RIMS4: variants seen among roughly 807,000 people sequenced by gnomAD.
The protein encoded by RIMS4 is regulating synaptic membrane exocytosis protein 4.
In RIMS4, 9 loss-of-function variants were observed where a neutral mutation model predicts 29.0. The ratio of observed to expected loss-of-function variants is 0.31; its 90% CI spans 0.19 to 0.54. RIMS4 has a LOEUF of 0.54. Among genes scored for constraint, RIMS4 ranks in the 20% least tolerant of loss-of-function variants. The pLI, the probability that RIMS4 is intolerant of heterozygous loss-of-function variation, is 0.94. For synonymous variants in RIMS4, 130 were observed against 152.9 expected, an observed-to-expected ratio of 0.85 and a Z score of 1.10; for missense variants, 193 against 365.7, an observed-to-expected ratio of 0.53 and a Z score of 3.85.
intron 1 of RIMS4, among the ~76,000 whole-genome samples, chr20:44,783,048 A>T (rs1163449544): frequency 6.6e-6 from 1 of 152,234 alleles, no homozygotes; most frequent in African/African-American, 2.4e-5. Flanking sequence ...TATTATAAAC[A>T]ATACTCTGAG....
chr20:44,764,904 G>A (rs1010467690), intron 2 of RIMS4, among the ~76,000 whole-genome samples: 1 of 152,288 alleles, frequency 6.6e-6, no homozygotes, highest in Admixed American at 6.5e-5. Flanking sequence ...ACCATTCAAG[G>A]TATTTCCAAG....
At chr20:44,773,892 G>A (rs143215535) in intron 1 of RIMS4, among the ~76,000 whole-genome samples, 11 of 152,228 alleles carry the variant, frequency 7.2e-5, no homozygotes, top group African/African-American at 2.6e-4. Context: ...AATGACAGAC[G>A]TTTCCCATAG....
At position 44,794,425 on chromosome 20, in the gene RIMS4, A is replaced by G. The variant is rs549082920; in HGVS notation, c.97+15750T>C. Among the ~76,000 whole-genome samples, 4 of 152,330 alleles carry G rather than the reference A, an allele frequency of 2.6e-5. No individual in the cohort carries two copies. The East Asian group carries it at 5.8e-4, about 22-fold the overall frequency. On this transcript the variant is annotated intron_variant, in intron 1 of 5. Transcript: ENST00000372851. ...CAACCATTCAAACTTAGCCTTAACT[A>G]AAGAGCGGTTTTCCTGTATTTTTTT...
chr20:44,795,613 C>CA (rs2066251554), intron 1 of RIMS4, among the ~76,000 whole-genome samples: 1 of 151,644 alleles, frequency 6.6e-6, no homozygotes, highest in Non-Finnish European at 1.5e-5. Context: ...GCCTGGGAGA[C>CA]AGAGCGAGAC....
rs532034597 is a variant in RIMS4 at position 44,777,823 on chromosome 20, G to T, written c.98-6410C>A. Among the ~76,000 whole-genome samples, 7 of 152,302 alleles carry T rather than the reference G, an allele frequency of 4.6e-5. No homozygotes were observed. The South Asian group carries it at 1.5e-3, about 32-fold the overall frequency. Reference sequence around the variant, plus strand: ...AACCACTAACCACATCCTGGTCAGTGTGAGTGTCCACTCCAAGTCCATAGA... The same window carrying T: ...AACCACTAACCACATCCTGGTCAGTTTGAGTGTCCACTCCAAGTCCATAGA... On this transcript the variant is annotated intron_variant, in intron 1 of 5. Coordinates refer to ENST00000372851, the MANE Select transcript of RIMS4 (RefSeq NM_182970.4).
intron 2 of RIMS4, among the ~76,000 whole-genome samples, chr20:44,769,144 A>G (rs998065754): frequency 3.3e-5 from 5 of 152,190 alleles, no homozygotes; most frequent in Non-Finnish European, 5.9e-5. Flanking sequence ...CCTGTCTGTA[A>G]TTAGACTCTC....
At chr20:44,797,065 A>G (rs1404276789) in intron 1 of RIMS4, among the ~76,000 whole-genome samples, 1 of 151,976 alleles carries the variant, frequency 6.6e-6, no homozygotes, top group Non-Finnish European at 1.5e-5. Context: ...GCAATAACCA[A>G]CTCTCTGATC....
At chr20:44,796,441 G>C (rs2066255525) in intron 1 of RIMS4, among the ~76,000 whole-genome samples, 2 of 152,312 alleles carry the variant, frequency 1.3e-5, no homozygotes, top group South Asian at 2.1e-4. Flanking sequence ...GGAGAGAGAA[G>C]GGGAGGAAGG....
Position 44,755,817 on chromosome 20 carries a change from T to G in RIMS4, c.*317A>C. On this transcript the variant is annotated 3_prime_UTR_variant, in exon 6 of 6. Coordinates refer to ENST00000372851, the MANE Select transcript of RIMS4 (RefSeq NM_182970.4). The stretch of plus-strand genomic sequence containing the variant: ...CCGAGGAGGCAAAAAGGGGGAGAAG[T>G]TGGACAGTTTGGGAAGGGAGAGTGG... The G allele has an allele frequency of 3.4e-6, 1 of 293,356 alleles. No homozygotes were observed. Among genetic ancestry groups the G allele is most frequent in the Non-Finnish European group, 6.5e-6 (1 of 154,898 alleles). 18.2% of individuals were successfully genotyped at this position (293,356 alleles called of 1,614,324 possible).
chr20:44,771,362 A>G lies in RIMS4; in HGVS notation c.149T>C (p.Leu50Pro). ...GAIQRSTETG[L>P]AVEMPSRTLR... is the part of the protein sequence containing the mutation. ...TGTCCGGCTGGGCATCTCCACTGCC[A>G]GGCCCGTCTCCGTGCTCCTCTGGAT... is the stretch of plus-strand genomic sequence containing the variant. The change falls in exon 2 of 6, where the codon CTG (leucine) becomes CCG (proline). Residue 50 changes from leucine (L) to proline (P), a missense_variant. Leu to Pro is a moderately conservative substitution (Grantham distance 98). Coordinates refer to ENST00000372851, the MANE Select transcript of RIMS4 (RefSeq NM_182970.4). 1 of 1,613,934 alleles carries G rather than the reference A, an allele frequency of 6.2e-7. No homozygotes were observed. Among genetic ancestry groups the G allele is most frequent in the Non-Finnish European group, 8.5e-7 (1 of 1,179,942 alleles).
intron 1 of RIMS4, among the ~76,000 whole-genome samples, chr20:44,791,729 C>T (rs561599725): frequency 1.3e-5 from 2 of 152,214 alleles, no homozygotes; most frequent in South Asian, 4.2e-4. Flanking sequence ...CAAATGACTC[C>T]TTCTCCTCTT....
chr20:44,806,859 G>A (rs1047498748), intron 1 of RIMS4, among the ~76,000 whole-genome samples: 3 of 152,186 alleles, frequency 2.0e-5, no homozygotes, highest in Non-Finnish European at 2.9e-5. Context: ...TGAAAATGGG[G>A]ATGTTAACAG....
rs996287663 is a variant in RIMS4 at position 44,781,903 on chromosome 20, G to T, written c.98-10490C>A. ...ACAGCATTCAAGACTTCCAGGATTT[G>T]CCCCAAACCTATACTACAAGTCTGC... On this transcript the variant is annotated intron_variant, in intron 1 of 5. Coordinates refer to ENST00000372851, the MANE Select transcript of RIMS4 (RefSeq NM_182970.4). 2.0e-4 allele frequency among the ~76,000 whole-genome samples: 31 copies of T among 152,142 alleles called. 1 individual carries two copies. The highest frequency in any genetic ancestry group is 7.3e-5 in the Non-Finnish European group (5 of 68,034).
Position 44,758,201 on chromosome 20 carries a change from T to G in RIMS4, c.237-17A>C, listed in dbSNP as rs781704471. On this transcript the variant is annotated splice_polypyrimidine_tract_variant and intron_variant, in intron 2 of 5. Transcript: ENST00000372851. The stretch of plus-strand genomic sequence containing the variant: ...TAGTTAAGGCTGCAAGAGGAAAAGG[T>G]GAGACAAAGCACACATTCCCAGTGG... 4 of 1,578,388 alleles carry G rather than the reference T, an allele frequency of 2.5e-6. No homozygotes were observed. In the East Asian group the frequency reaches 6.7e-5, roughly 27 times the overall value.
At chr20:44,800,629 C>A (rs1024359258) in intron 1 of RIMS4, among the ~76,000 whole-genome samples, 2 of 151,914 alleles carry the variant, frequency 1.3e-5, no homozygotes, top group Admixed American at 6.6e-5. Context: ...CTAGGGGCTA[C>A]CGCAGAGTCA....
chr20:44,786,253 T>C (rs1170253669), intron 1 of RIMS4, among the ~76,000 whole-genome samples: 1 of 152,154 alleles, frequency 6.6e-6, no homozygotes, highest in Non-Finnish European at 1.5e-5. Flanking sequence ...ACCCAGCCTC[T>C]GAGGGAGGGG....
intron 1 of RIMS4, among the ~76,000 whole-genome samples, chr20:44,807,592 G>A (rs576872078): frequency 1.3e-5 from 2 of 152,148 alleles, no homozygotes; most frequent in Non-Finnish European, 2.9e-5. Flanking sequence ...GAGGGGAGAA[G>A]AGGCAGGTAG....
At chr20:44,763,854 T>C (rs930063419) in intron 2 of RIMS4, among the ~76,000 whole-genome samples, 4 of 152,198 alleles carry the variant, frequency 2.6e-5, no homozygotes, top group African/African-American at 9.7e-5. Flanking sequence ...AATTAAAAGG[T>C]TGCACAGCCC....
intron 1 of RIMS4, among the ~76,000 whole-genome samples, chr20:44,788,428 G>A (rs2066218190): frequency 6.6e-6 from 1 of 152,098 alleles, no homozygotes; most frequent in Non-Finnish European, 1.5e-5. Context: ...TTTTTCCACT[G>A]TCAGGGGCTA....
Sources: allele counts gnomAD v4.1 joint callset (sites outside exome capture counted in the v4.1 genomes callset), GRCh38; gene constraint gnomAD v4.1.1; transcripts MANE v1.5; gene names NCBI Gene and HGNC (gene_info 2026-07-23, HGNC 2026-07-21).